The following IQCJ variants were observed in gnomAD, a reference collection of about 807,000 sequenced individuals.
IQCJ encodes IQ domain-containing protein J.
Under a neutral mutation model 11.0 loss-of-function variants are expected in IQCJ, and 9 were observed. The ratio of observed to expected loss-of-function variants is 0.82; its 90% confidence interval spans 0.49 to 1.43. IQCJ has a LOEUF of 1.43. Ranked by LOEUF, IQCJ falls within the 40% of genes most tolerant of loss-of-function variation. IQCJ has a pLI of 0.00. For missense variants in IQCJ, 146 were observed against 133.2 expected (o/e 1.10, Z -0.47); for synonymous variants, 55 against 51.3 (o/e 1.07, Z -0.31).
At chr3:159,209,665 C>A (rs1047361672) in intron 1 of IQCJ, among the ~76,000 whole-genome samples, 1 of 152,174 alleles carries the variant, frequency 6.6e-6, no homozygotes, top group Non-Finnish European at 1.5e-5. Flanking sequence ...TTCCTGCCAG[C>A]GCCTAACAGC....
chr3:159,166,552 A>G (rs1722174635), intron 1 of IQCJ, among the ~76,000 whole-genome samples: 1 of 152,034 alleles, frequency 6.6e-6, no homozygotes, highest in Non-Finnish European at 1.5e-5. Context: ...TAGCTCCTTT[A>G]CTCCCCCAAA....
chr3:159,069,832 GCCC>G, intron 1 of IQCJ: 1 of 449,110 alleles, frequency 2.2e-6, no homozygotes, highest in Admixed American at 2.4e-5. Context: ...TATTTAAAAA[GCCC>G]TCCTTTCTTG....
In IQCJ at chr3:159,078,706, A is replaced by T. The variant is rs572040035; in HGVS notation, c.9+9265A>T. On this transcript the variant is annotated intron_variant, in intron 1 of 3. Coordinates refer to ENST00000397832, the MANE Select transcript of IQCJ (RefSeq NM_001042706.3). ...ATGGCAAATTGAACTTTCTCCCCAA[A>T]GTGAATTATAAACATCCTAATTTAA... is the stretch of plus-strand genomic sequence containing the variant. Among the ~76,000 whole-genome samples, 7 of 152,224 alleles carry T rather than the reference A, an allele frequency of 4.6e-5. No homozygotes were observed. The South Asian group carries it at 1.5e-3, about 32-fold the overall frequency.
At chr3:159,072,881 A>G (rs1287819179) in intron 1 of IQCJ, among the ~76,000 whole-genome samples, 1 of 152,142 alleles carries the variant, frequency 6.6e-6, no homozygotes, top group East Asian at 1.9e-4. Context: ...ATACAAAAAA[A>G]TCACAGTTAG....
intron 1 of IQCJ, among the ~76,000 whole-genome samples, chr3:159,148,057 G>A (rs890264564): frequency 6.6e-6 from 1 of 152,236 alleles, no homozygotes; most frequent in African/African-American, 2.4e-5. Context: ...AACCCAATAA[G>A]CTACACATTT....
intron 1 of IQCJ, among the ~76,000 whole-genome samples, chr3:159,119,577 A>C (rs1371903831): frequency 6.6e-6 from 1 of 152,220 alleles, no homozygotes; most frequent in Admixed American, 6.5e-5. Flanking sequence ...ATGAAGTAGT[A>C]AAGTTGTATA....
chr3:159,087,500 G>T (rs1476833181), intron 1 of IQCJ, among the ~76,000 whole-genome samples: 1 of 151,946 alleles, frequency 6.6e-6, no homozygotes, highest in Non-Finnish European at 1.5e-5. Context: ...ATGGTACCAA[G>T]TCCTCCTTGT....
At chr3:159,141,816 C>A (rs1490496904) in intron 1 of IQCJ, among the ~76,000 whole-genome samples, 1 of 152,152 alleles carries the variant, frequency 6.6e-6, no homozygotes, top group Non-Finnish European at 1.5e-5. Flanking sequence ...TGAGACATCC[C>A]ATACACTTGA....
intron 1 of IQCJ, among the ~76,000 whole-genome samples, chr3:159,154,629 C>A (rs1426890060): frequency 6.6e-6 from 1 of 152,076 alleles, no homozygotes; most frequent in African/African-American, 2.4e-5. Flanking sequence ...GAGGTTTGGT[C>A]TACTCACTTC....
intron 1 of IQCJ, among the ~76,000 whole-genome samples, chr3:159,077,871 G>GT (rs899427040): frequency 2.0e-5 from 3 of 151,930 alleles, no homozygotes; most frequent in African/African-American, 4.8e-5. Flanking sequence ...CCATATATTA[G>GT]TTTTTTTAAA....
chr3:159,254,645 T>G (rs1425993470), intron 3 of IQCJ, among the ~76,000 whole-genome samples: 3 of 152,242 alleles, frequency 2.0e-5, no homozygotes, highest in African/African-American at 7.2e-5. Flanking sequence ...TGAGACCTTT[T>G]CTACAGCTGA....
At chr3:159,118,615 A>T (rs533614824) in intron 1 of IQCJ, among the ~76,000 whole-genome samples, 88 of 152,324 alleles carry the variant, frequency 5.8e-4, no homozygotes, top group Admixed American at 1.4e-3. Context: ...CAGGATTTGA[A>T]TTCAACCAGT....
chr3:159,074,035 T>G (rs1013101379), intron 1 of IQCJ, among the ~76,000 whole-genome samples: 1 of 152,120 alleles, frequency 6.6e-6, no homozygotes, highest in Non-Finnish European at 1.5e-5. Flanking sequence ...CACTGAAATT[T>G]GGAGAATATA....
intron 1 of IQCJ, among the ~76,000 whole-genome samples, chr3:159,079,432 C>A (rs1056003212): frequency 6.6e-6 from 1 of 151,986 alleles, no homozygotes; most frequent in Admixed American, 6.6e-5. Context: ...AATGAAAGGT[C>A]TATTTGCTAG....
At chr3:159,153,377 A>G (rs913760717) in intron 1 of IQCJ, among the ~76,000 whole-genome samples, 1 of 152,168 alleles carries the variant, frequency 6.6e-6, no homozygotes, top group African/African-American at 2.4e-5. Context: ...CCACAGCACA[A>G]TGGAGGCTCT....
intron 1 of IQCJ, among the ~76,000 whole-genome samples, chr3:159,084,056 C>T (rs533952603): frequency 4.6e-5 from 7 of 152,140 alleles, no homozygotes; most frequent in African/African-American, 1.7e-4. Flanking sequence ...CACACATATA[C>T]AGTGCGTGTA....
chr3:159,094,109 G>A (rs1342027105), intron 1 of IQCJ, among the ~76,000 whole-genome samples: 2 of 151,632 alleles, frequency 1.3e-5, no homozygotes, highest in African/African-American at 2.4e-5. Flanking sequence ...TTTTCTCTTG[G>A]CAATGTCCAA....
rs182728862 is a variant in IQCJ at position 159,190,889 on chromosome 3, G to A, written c.10-54954G>A. ...AGCACATAGCAGTGGCTCAAAAGGT[G>A]TTCTTGTATAGTTAGGGGAACATTA... On this transcript the variant is annotated intron_variant, in intron 1 of 3. Coordinates refer to ENST00000397832, the MANE Select transcript of IQCJ (RefSeq NM_001042706.3). Among the ~76,000 whole-genome samples, 201 of 152,340 alleles carry A rather than the reference G, an allele frequency of 1.3e-3. 1 individual carries two copies. The highest frequency in any genetic ancestry group is 4.6e-3 in the African/African-American group (192 of 41,582).
chr3:159,135,331 C>G (rs1213594113), intron 1 of IQCJ, among the ~76,000 whole-genome samples: 2 of 152,160 alleles, frequency 1.3e-5, no homozygotes, highest in Non-Finnish European at 1.5e-5. Context: ...CCAGCCATCC[C>G]CTCTAGGCAC....
Sources: allele counts gnomAD v4.1 joint callset (sites outside exome capture counted in the v4.1 genomes callset), GRCh38; gene constraint gnomAD v4.1.1; transcripts MANE v1.5; gene names NCBI Gene and HGNC (gene_info 2026-07-23, HGNC 2026-07-21).